LAMA2: variants seen among roughly 807,000 people sequenced by gnomAD.
LAMA2 encodes laminin subunit alpha-2.
Under a neutral mutation model 364.8 loss-of-function variants are expected in LAMA2, and 269 were observed. The observed-to-expected ratio is 0.74, with a 90% CI of 0.67 to 0.82. The LOEUF is 0.82. Among genes scored for constraint, LAMA2 ranks in the 40% least tolerant of loss-of-function variants. The probability of loss-of-function intolerance (pLI) is 0.00; values close to 1 mark genes in which losing one functional copy is unlikely to be tolerated. For missense variants in LAMA2, 3,807 were observed against 3,873.2 expected (o/e 0.98, Z 0.45); for synonymous variants, 1,379 against 1,370.6 (o/e 1.01, Z -0.14).
intron 1 of LAMA2, among the ~76,000 whole-genome samples, chr6:128,983,840 G>A (rs1767299810): frequency 6.6e-6 from 1 of 152,142 alleles, no homozygotes; most frequent in South Asian, 2.1e-4. Context: ...TGAAATGAGT[G>A]GAGGGAGTGG....
intron 35 of LAMA2, among the ~76,000 whole-genome samples, chr6:129,388,569 T>C (rs2114666290): frequency 6.6e-6 from 1 of 152,264 alleles, no homozygotes; most frequent in Non-Finnish European, 1.5e-5. Flanking sequence ...ACAAGAGAAA[T>C]AGTGAGACTC....
At chr6:129,065,940 C>A (rs1180564968) in intron 3 of LAMA2, among the ~76,000 whole-genome samples, 2 of 151,524 alleles carry the variant, frequency 1.3e-5, no homozygotes, top group Non-Finnish European at 2.9e-5. Flanking sequence ...TAAGACAGGA[C>A]TCCTCCTTAC....
In LAMA2 at chr6:128,928,571, G is replaced by A. The variant is rs141948182; in HGVS notation, c.112+45214G>A. Among the ~76,000 whole-genome samples, 1,381 of 152,244 alleles carry A rather than the reference G, an allele frequency of 9.1e-3. 10 individuals carry two copies. Among genetic ancestry groups the A allele is most frequent in the Non-Finnish European group, 0.016 (1,115 of 68,024 alleles). ...AAGCCGTTCAAGGAGAGGGAAGGAGGTCCCCTTCTCCTTATTCTTACGATA... is the reference window on the plus strand; with the variant it reads ...AAGCCGTTCAAGGAGAGGGAAGGAGATCCCCTTCTCCTTATTCTTACGATA... On this transcript the variant is annotated intron_variant, in intron 1 of 64. Coordinates refer to ENST00000421865, the MANE Select transcript of LAMA2 (RefSeq NM_000426.4).
intron 12 of LAMA2, among the ~76,000 whole-genome samples, chr6:129,208,725 G>GGAAGGAGGGAGGGAGGGA (rs1562333978): frequency 2.3e-5 from 3 of 131,732 alleles, no homozygotes; most frequent in African/African-American, 8.3e-5. Flanking sequence ...GAGGGAGGGA[G>GGAAGGAGGGAGGGAGGGA]GGAAGGAAGG....
intron 4 of LAMA2, among the ~76,000 whole-genome samples, chr6:129,123,351 C>CAT (rs952056284): frequency 6.7e-5 from 10 of 149,640 alleles, no homozygotes; most frequent in African/African-American, 2.0e-4. Flanking sequence ...CCTTCTCACA[C>CAT]ATATATATAT....
chr6:129,467,637 A>G (rs1583820843), intron 51 of LAMA2, among the ~76,000 whole-genome samples: 1 of 151,892 alleles, frequency 6.6e-6, no homozygotes, highest in Non-Finnish European at 1.5e-5. Flanking sequence ...AAAATGATTC[A>G]ACAACTTAGG....
At chr6:128,939,857 T>C (rs1780051144) in intron 1 of LAMA2, among the ~76,000 whole-genome samples, 1 of 152,194 alleles carries the variant, frequency 6.6e-6, no homozygotes, top group Admixed American at 6.5e-5. Context: ...TGGTTCTCCC[T>C]GAGTGCTCTG....
At chr6:129,338,581 ACACTTGAAATTTGGG>A (rs1161256873) in intron 29 of LAMA2, among the ~76,000 whole-genome samples, 1 of 152,184 alleles carries the variant, frequency 6.6e-6, no homozygotes, top group African/African-American at 2.4e-5. Context: ...TTCTGCAATG[ACACTTGAAATTTGGG>A]CTTTTTCATC....
intron 20 of LAMA2, chr6:129,292,987 G>C (rs917679710): frequency 3.0e-6 from 3 of 985,736 alleles, no homozygotes; most frequent in South Asian, 4.7e-5. Context: ...AGAGCGCAAC[G>C]GGTGCTGGGT....
chr6:128,948,564 A>G (rs970937985), intron 1 of LAMA2, among the ~76,000 whole-genome samples: 8 of 152,138 alleles, frequency 5.3e-5, no homozygotes, highest in African/African-American at 1.9e-4. Context: ...GACATTTGGG[A>G]AATGTGATTG....
In LAMA2 at chr6:129,260,718, T is replaced by C. The variant is rs1179102395; in HGVS notation, c.2104T>C (p.Ser702Pro). ...TTTTTTCCTCTGCCATAGGTTGAGC[T>C]CTGTTAACCTTGAATCCGCTGTCTC... is the stretch of plus-strand genomic sequence containing the variant. ...FGMDAIFRLS[S>P]VNLESAVSYP... The change falls in exon 15 of 65, where the codon TCT becomes CCT. Residue 702 changes from serine (S) to proline (P), a missense_variant. Ser to Pro is a moderately conservative substitution (Grantham distance 74). Transcript: ENST00000421865. The C allele has an allele frequency of 1.2e-6, 2 of 1,606,350 alleles. No individual in the cohort carries two copies. Among genetic ancestry groups the C allele is most frequent in the Admixed American group, 3.3e-5 (2 of 59,956 alleles).
chr6:129,193,437 T>A (rs1781651976), intron 12 of LAMA2, among the ~76,000 whole-genome samples: 1 of 152,244 alleles, frequency 6.6e-6, no homozygotes, highest in South Asian at 2.1e-4. Context: ...AGCCCACACA[T>A]ATGTAAAAAC....
chr6:129,510,027 T>C (rs1385194317), intron 62 of LAMA2, among the ~76,000 whole-genome samples: 1 of 152,080 alleles, frequency 6.6e-6, no homozygotes, highest in Admixed American at 6.6e-5. Context: ...CATTGTTTTA[T>C]AGTTTTTATT....
intron 3 of LAMA2, among the ~76,000 whole-genome samples, chr6:129,091,222 CT>C (rs1774805636): frequency 6.6e-6 from 1 of 152,114 alleles, no homozygotes; most frequent in East Asian, 1.9e-4. Flanking sequence ...TAGAGAAGTC[CT>C]TCAAATACTG....
At chr6:129,005,446 T>C (rs906047703) in intron 1 of LAMA2, among the ~76,000 whole-genome samples, 2 of 152,006 alleles carry the variant, frequency 1.3e-5, no homozygotes, top group Non-Finnish European at 2.9e-5. Flanking sequence ...TATAAAATAA[T>C]ATCAAAGAAA....
At chr6:129,479,533 TAGTCAAC>T (rs1398784844) in intron 54 of LAMA2, 2 of 152,314 alleles carry the variant, frequency 1.3e-5, no homozygotes, top group South Asian at 4.1e-4. Context: ...CAAGAGTCAA[TAGTCAAC>T]AGCAAATATT....
chr6:129,161,377 T>G (rs946475303), intron 8 of LAMA2, among the ~76,000 whole-genome samples: 13 of 152,176 alleles, frequency 8.5e-5, no homozygotes, highest in African/African-American at 3.1e-4. Flanking sequence ...GTTAATAATA[T>G]GATTGGGTTT....
chr6:129,314,910 T>A (rs1562449637), intron 24 of LAMA2, 112 bp downstream of exon 24: 7 of 1,097,338 alleles, frequency 6.4e-6, no homozygotes, highest in Non-Finnish European at 9.7e-6. Flanking sequence ...AGTAACCTTT[T>A]CCTCTGTGAA....
intron 12 of LAMA2, among the ~76,000 whole-genome samples, chr6:129,207,041 T>G (rs1049784543): frequency 5.3e-5 from 8 of 152,208 alleles, no homozygotes; most frequent in African/African-American, 1.7e-4. Context: ...GCAGTTGCCT[T>G]GAATCATGAG....
Sources: gnomAD v4.1 joint callset for allele counts (sites outside exome capture counted in the v4.1 genomes callset) on GRCh38, gnomAD v4.1.1 for gene constraint, MANE v1.5 for transcripts, NCBI Gene and HGNC (gene_info 2026-07-23, HGNC 2026-07-21) for gene names.